The following KCNAB2 variants were observed in gnomAD, a reference collection of about 807,000 sequenced individuals.
KCNAB2 encodes voltage-gated potassium channel subunit beta-2.
KCNAB2 carries 29 observed loss-of-function variants against 63.6 expected under a neutral mutation model. The ratio of observed to expected loss-of-function variants is 0.46; its 90% CI spans 0.34 to 0.62. The LOEUF (loss-of-function observed/expected upper bound fraction) is 0.62, where lower values mean the gene tolerates loss of function less well. KCNAB2 is among the 20% of genes least tolerant of loss of function. KCNAB2 has a pLI of 0.01. For synonymous variants in KCNAB2, 222 were observed against 224.2 expected (o/e 0.99, Z 0.09); for missense variants, 359 against 563.9 (o/e 0.64, Z 3.68).
Position 6,089,027 on chromosome 1 carries a change from C to T in KCNAB2, c.490C>T (p.Leu164=). The change falls in exon 8 of 16, where the codon CTG becomes TTG. Residue 164 remains leucine, a synonymous_variant. Transcript: ENST00000378083. The part of the protein sequence containing the change: ...WGGKAETERG[L]SRKHIIEGLK... ...TTCCAGGGCGGAGACGGAGCGGGGC[C>T]TGTCCAGGAAGCACATAATCGAAGG... The T allele has an allele frequency of 6.5e-7, 1 of 1,549,044 alleles. No homozygotes were observed. The highest frequency in any genetic ancestry group is 8.7e-7 in the Non-Finnish European group (1 of 1,146,146).
chr1:6,072,907 C>G, intron 3 of KCNAB2, 109 bp downstream of exon 3: 3 of 1,015,076 alleles, frequency 3.0e-6, no homozygotes, highest in Non-Finnish European at 4.4e-6. Context: ...AACCTTGGCA[C>G]TCCCCAGGGA....
At chr1:6,085,752 G>C in intron 6 of KCNAB2, 1 of 826,740 alleles carries the variant, frequency 1.2e-6, no homozygotes, top group African/African-American at 1.8e-5. Context: ...TCTTCGCGGC[G>C]TCTCAGCCTC....
At chr1:6,065,464 GC>G (rs1278883723) in intron 2 of KCNAB2, among the ~76,000 whole-genome samples, 2 of 152,198 alleles carry the variant, frequency 1.3e-5, no homozygotes, top group Non-Finnish European at 2.9e-5. Flanking sequence ...TGGATCCCAG[GC>G]CCCCTCAGAA....
Position 6,086,227 on chromosome 1 carries a change from G to A in KCNAB2, c.425+979G>A. 1.0e-6 allele frequency: 1 copy of A among 985,186 alleles called. No homozygotes were observed. Among genetic ancestry groups the A allele is most frequent in the Non-Finnish European group, 1.2e-6 (1 of 829,796 alleles). 61.0% of individuals were successfully genotyped at this position (985,186 alleles called of 1,614,324 possible). On this transcript the variant is annotated intron_variant, in intron 6 of 15. Transcript: ENST00000378083. This position sits in a 1 kb window ranked among gnomAD's most constrained non-coding sequence, Gnocchi z 4.2. ...CCTCGAAATGCCACTCAGAATCCCA[G>A]TGCCAAGGGGAGCCCCCGCCCCCTC...
At chr1:6,091,924 C>T (rs970658612) in intron 10 of KCNAB2, among the ~76,000 whole-genome samples, 4 of 152,206 alleles carry the variant, frequency 2.6e-5, no homozygotes, top group African/African-American at 7.2e-5. Flanking sequence ...CCACAGGAGC[C>T]GGCAGCCTTC....
rs1205647379 is a variant in KCNAB2 at position 5,994,665 on chromosome 1, G to A, written c.-53+1877G>A. 1.3e-5 allele frequency among the ~76,000 whole-genome samples: 2 copies of A among 152,260 alleles called. No homozygotes were observed. Among genetic ancestry groups the A allele is most frequent in the South Asian group, 2.1e-4 (1 of 4,830 alleles). The stretch of plus-strand genomic sequence containing the variant: ...TTCGTGTGTTTCTTGGTTGAGAACC[G>A]TCTTGGGTCTGGATTTGGAGCCTGG... On this transcript the variant is annotated intron_variant, in intron 1 of 16. Coordinates refer to the KCNAB2 transcript ENST00000341524. The surrounding 1 kb of genome is among the most constrained non-coding windows in gnomAD (Gnocchi z 5.4).
At chr1:6,055,948 C>T (rs565684870) in intron 2 of KCNAB2, among the ~76,000 whole-genome samples, 1 of 152,238 alleles carries the variant, frequency 6.6e-6, no homozygotes, top group East Asian at 1.9e-4. Context: ...AGGCACTGCC[C>T]GGTGCCGCAA....
Position 6,097,364 on chromosome 1 carries a change from G to C in KCNAB2, c.1158+7G>C, listed in dbSNP as rs1324066314. ...GAACATTGGGGCAATACAGGTAAGA[G>C]TGAGAGGCCCTGCTGGGCAGAGGGC... On this transcript the variant is annotated splice_region_variant and intron_variant, in intron 15 of 15. Coordinates refer to ENST00000378083, the MANE Select transcript of KCNAB2 (RefSeq NM_001199862.2). 3 of 1,551,318 alleles carry C rather than the reference G, an allele frequency of 1.9e-6. No individual in the cohort carries two copies. Among genetic ancestry groups the C allele is most frequent in the South Asian group, 1.2e-5 (1 of 84,122 alleles).
At chr1:6,038,719 C>T (rs1187770886) in intron 1 of KCNAB2, among the ~76,000 whole-genome samples, 1 of 152,178 alleles carries the variant, frequency 6.6e-6, no homozygotes, top group Non-Finnish European at 1.5e-5. Flanking sequence ...TTTGGGAATC[C>T]CCTCCCTTAC....
At chr1:6,036,569 G>A (rs1028746589) in intron 1 of KCNAB2, among the ~76,000 whole-genome samples, 1 of 152,172 alleles carries the variant, frequency 6.6e-6, no homozygotes, top group Admixed American at 6.5e-5. Flanking sequence ...AACTTATTGG[G>A]TGCAGCTGGC....
At chr1:6,079,177 GC>G (rs1343064476) in intron 4 of KCNAB2, among the ~76,000 whole-genome samples, 1 of 152,160 alleles carries the variant, frequency 6.6e-6, no homozygotes, top group Non-Finnish European at 1.5e-5. Flanking sequence ...GCCCACACCA[GC>G]CCCAGGGCCT....
At chr1:6,098,330 A>G in intron 15 of KCNAB2, 155 bp from the exon 16 acceptor site, 1 of 1,423,084 alleles carries the variant, frequency 7.0e-7, no homozygotes, top group South Asian at 1.6e-5. Flanking sequence ...ACACAAAAGC[A>G]GCGTGGCCTC....
chr1:6,097,715 C>T (rs1188870698), intron 15 of KCNAB2: 7 of 482,746 alleles, frequency 1.5e-5, no homozygotes, highest in Non-Finnish European at 2.6e-5. Context: ...TTGAGAGATG[C>T]GGAGTAAGTC....
rs11805799 is a variant in KCNAB2, at chr1:6,085,742, T to C, written c.425+494T>C. The C allele has an allele frequency of 5.9e-3, 4,364 of 745,084 alleles. 174 individuals carry two copies. The African/African-American group carries it at 0.079, about 13-fold the overall frequency. 46.2% of individuals were successfully genotyped at this position (745,084 alleles called of 1,614,324 possible). A position where few individuals can be genotyped will look rare whatever the true frequency, so the allele number is the denominator to read the frequency against. ...CCCACCCTGCACCTTGTCCACAGGA[T>C]CTTCGCGGCGTCTCAGCCTCTCCGG... On this transcript the variant is annotated intron_variant, in intron 6 of 15. Coordinates refer to ENST00000378083, the MANE Select transcript of KCNAB2 (RefSeq NM_001199862.2).
At chr1:6,020,357 C>T (rs1658749981) in intron 1 of KCNAB2, among the ~76,000 whole-genome samples, 1 of 152,184 alleles carries the variant, frequency 6.6e-6, no homozygotes, top group African/African-American at 2.4e-5. Flanking sequence ...CCACCTGCTG[C>T]AGTACAGCCT....
At chr1:6,038,546 C>T (rs988251814) in intron 1 of KCNAB2, among the ~76,000 whole-genome samples, 1 of 152,126 alleles carries the variant, frequency 6.6e-6, no homozygotes, top group African/African-American at 2.4e-5. Flanking sequence ...AACTCCTGTG[C>T]TCAAGCAATC....
At chr1:6,077,950 A>G (rs1398007537) in intron 4 of KCNAB2, among the ~76,000 whole-genome samples, 1 of 152,226 alleles carries the variant, frequency 6.6e-6, no homozygotes, top group Non-Finnish European at 1.5e-5. Flanking sequence ...TGAAAACAGC[A>G]GCAACGTATT....
intron 2 of KCNAB2, among the ~76,000 whole-genome samples, chr1:6,072,186 G>C (rs778471291): frequency 4.5e-4 from 68 of 152,330 alleles, no homozygotes; most frequent in South Asian, 6.2e-4. Flanking sequence ...CTCTGCCGCT[G>C]CTGTTGGGCC....
chr1:6,089,924 C>T (rs1389321832), intron 8 of KCNAB2, among the ~76,000 whole-genome samples: 2 of 152,236 alleles, frequency 1.3e-5, no homozygotes, highest in Non-Finnish European at 2.9e-5. Context: ...TGGTCTCAAA[C>T]TCCTGGCCCT....
Sources: allele counts gnomAD v4.1 joint callset (sites outside exome capture counted in the v4.1 genomes callset), GRCh38; gene constraint gnomAD v4.1.1; non-coding constraint Gnocchi (gnomAD v3.1); transcripts MANE v1.5; gene names NCBI Gene and HGNC (gene_info 2026-07-23, HGNC 2026-07-21).